Variants in SYT1 observed in about 807,000 individuals in gnomAD.
The protein encoded by SYT1 is synaptotagmin-1.
A neutral mutation model predicts 44.8 loss-of-function variants in SYT1; 8 were observed. The observed-to-expected ratio is 0.18, with a 90% CI of 0.10 to 0.32. The LOEUF is 0.32. Among genes scored for constraint, SYT1 ranks in the 10% least tolerant of loss-of-function variants. The pLI is 1.00. For synonymous variants in SYT1, 154 were observed against 188.8 expected, an observed-to-expected ratio of 0.82 and a Z score of 1.51; for missense variants, 286 against 509.3, an observed-to-expected ratio of 0.56 and a Z score of 4.22.
At chr12:78,943,361 A>C (rs944229237) in intron 1 of SYT1, among the ~76,000 whole-genome samples, 1 of 152,178 alleles carries the variant, frequency 6.6e-6, no homozygotes. Flanking sequence ...GAAGCTTACA[A>C]TCATGGCAGA....
At chr12:79,260,660 A>G (rs985660159) in intron 4 of SYT1, among the ~76,000 whole-genome samples, 1 of 152,154 alleles carries the variant, frequency 6.6e-6, no homozygotes, top group Non-Finnish European at 1.5e-5. Flanking sequence ...CCTAAATTTC[A>G]TTATATTTTT....
intron 3 of SYT1, among the ~76,000 whole-genome samples, chr12:79,173,233 A>G (rs1871655510): frequency 6.6e-6 from 1 of 151,998 alleles, no homozygotes; most frequent in Non-Finnish European, 1.5e-5. Flanking sequence ...TGAGCTTACA[A>G]TTCAGATCAG....
intron 4 of SYT1, among the ~76,000 whole-genome samples, chr12:79,249,291 A>G (rs1195434756): frequency 6.7e-6 from 1 of 149,884 alleles, no homozygotes; most frequent in Non-Finnish European, 1.5e-5. Context: ...TTTTTAGTAG[A>G]GACGGGGTTT....
intron 1 of SYT1, among the ~76,000 whole-genome samples, chr12:78,939,203 A>G (rs1196566992): frequency 1.3e-5 from 2 of 152,230 alleles, no homozygotes; most frequent in Non-Finnish European, 2.9e-5. Context: ...AAAGCATTTC[A>G]AAGGATATTT....
chr12:79,356,058 G>A (rs1044799654), intron 9 of SYT1, among the ~76,000 whole-genome samples: 3 of 151,892 alleles, frequency 2.0e-5, no homozygotes, highest in Non-Finnish European at 2.9e-5. Flanking sequence ...AGACCTCTGA[G>A]TAGGTGGCAT....
intron 4 of SYT1, among the ~76,000 whole-genome samples, chr12:79,271,273 A>G (rs1006709379): frequency 6.6e-6 from 1 of 152,176 alleles, no homozygotes; most frequent in Non-Finnish European, 1.5e-5. Flanking sequence ...TTTTTTAAAA[A>G]ATTTATTTAG....
At chr12:79,082,781 G>C (rs1007579263) in intron 3 of SYT1, among the ~76,000 whole-genome samples, 2 of 152,090 alleles carry the variant, frequency 1.3e-5, no homozygotes, top group East Asian at 3.9e-4. Context: ...ACCAGTTAGG[G>C]GAGGTCCAAG....
chr12:79,068,970 T>C (rs1219534931), intron 3 of SYT1, among the ~76,000 whole-genome samples: 3 of 152,216 alleles, frequency 2.0e-5, no homozygotes, highest in Non-Finnish European at 4.4e-5. Context: ...CAGTATAGCT[T>C]ACCTGTTTCC....
intron 1 of SYT1, among the ~76,000 whole-genome samples, chr12:78,927,882 TTA>T (rs1877392779): frequency 6.6e-6 from 1 of 152,166 alleles, no homozygotes; most frequent in Non-Finnish European, 1.5e-5. Context: ...CTATTTGCAT[TTA>T]TGTTACTTCA....
intron 9 of SYT1, among the ~76,000 whole-genome samples, chr12:79,433,983 G>T (rs1432273806): frequency 2.0e-5 from 3 of 152,092 alleles, no homozygotes; most frequent in Non-Finnish European, 2.9e-5. Flanking sequence ...TACATTTTTA[G>T]TCAAGAAGCT....
intron 1 of SYT1, among the ~76,000 whole-genome samples, chr12:78,931,456 A>C (rs1012353136): frequency 6.7e-6 from 1 of 149,070 alleles, no homozygotes; most frequent in Non-Finnish European, 1.5e-5. Flanking sequence ...AGAGAGAGAG[A>C]AAGAAAGAAA....
chr12:79,373,053 C>T (rs943113006), intron 9 of SYT1, among the ~76,000 whole-genome samples: 1 of 152,116 alleles, frequency 6.6e-6, no homozygotes, highest in Admixed American at 6.5e-5. Context: ...TTTCCCTCAT[C>T]CAAAAATGTA....
intron 4 of SYT1, among the ~76,000 whole-genome samples, chr12:79,252,004 A>ATAGATAGG (rs1565876392): frequency 6.6e-6 from 1 of 151,976 alleles, no homozygotes; most frequent in Non-Finnish European, 1.5e-5. Context: ...AGATAGATAG[A>ATAGATAGG]TAGATAATAT....
intron 8 of SYT1, among the ~76,000 whole-genome samples, chr12:79,322,840 T>A (rs892490409): frequency 6.6e-6 from 1 of 152,178 alleles, no homozygotes; most frequent in Non-Finnish European, 1.5e-5. Flanking sequence ...AAGAAAGACA[T>A]TCAAATGTGG....
chr12:78,951,962 G>A (rs992233959), intron 1 of SYT1, among the ~76,000 whole-genome samples: 1 of 152,040 alleles, frequency 6.6e-6, no homozygotes, highest in Non-Finnish European at 1.5e-5. Flanking sequence ...TAGCTTAGTC[G>A]GCATAGCATC....
At chr12:79,024,090 A>T (rs924777411) in intron 2 of SYT1, among the ~76,000 whole-genome samples, 1 of 151,822 alleles carries the variant, frequency 6.6e-6, no homozygotes, top group African/African-American at 2.4e-5. Flanking sequence ...CAAAGGTTGA[A>T]GGAGGAAGTG....
At chr12:79,296,303 A>G (rs1029041506) in intron 7 of SYT1, 67 bp downstream of exon 7, 1 of 1,484,102 alleles carries the variant, frequency 6.7e-7, no homozygotes, top group African/African-American at 1.4e-5. Flanking sequence ...TCTCATCCTG[A>G]CACATACATA....
At chr12:79,341,420 C>G (rs1252334592) in intron 8 of SYT1, 1 of 151,980 alleles carries the variant, frequency 6.6e-6, no homozygotes, top group African/African-American at 2.4e-5. Flanking sequence ...CTATCACAGA[C>G]ATAGAAAAGA....
chr12:79,124,912 G>A (rs1302537901), intron 3 of SYT1, among the ~76,000 whole-genome samples: 2 of 151,856 alleles, frequency 1.3e-5, no homozygotes, highest in Non-Finnish European at 2.9e-5. Flanking sequence ...ATGAAATGAA[G>A]GGGAAAAAAG....
Sources: allele counts gnomAD v4.1 joint callset (sites outside exome capture counted in the v4.1 genomes callset), GRCh38; gene constraint gnomAD v4.1.1; transcripts MANE v1.5; gene names NCBI Gene and HGNC (gene_info 2026-07-23, HGNC 2026-07-21).